The following MARCHF1 variants were observed in gnomAD, a reference collection of about 807,000 sequenced individuals.
MARCHF1 encodes the protein E3 ubiquitin-protein ligase MARCHF1.
MARCHF1 carries 40 observed loss-of-function variants against 54.2 expected under a neutral mutation model. That is an observed-to-expected ratio of 0.74 (90% CI 0.57 to 0.96). MARCHF1 has a LOEUF of 0.96. MARCHF1 is among the 40% of genes least tolerant of loss of function. MARCHF1 has a pLI of 0.00. For missense variants in MARCHF1, 586 were observed against 656.5 expected (o/e 0.89, Z 1.17); for synonymous variants, 236 against 236.3 (o/e 1.00, Z 0.01).
intron 2 of MARCHF1, among the ~76,000 whole-genome samples, chr4:164,053,398 G>C (rs1012437952): frequency 1.3e-5 from 2 of 152,110 alleles, no homozygotes; most frequent in Non-Finnish European, 2.9e-5. Context: ...CTCATTCTAA[G>C]ATGCCATGTT....
intron 1 of MARCHF1, among the ~76,000 whole-genome samples, chr4:164,141,882 G>C (rs571708348): frequency 6.6e-6 from 1 of 152,170 alleles, no homozygotes; most frequent in Non-Finnish European, 1.5e-5. Context: ...CAGAAGACCG[G>C]TGATTTCTGC....
intron 4 of MARCHF1, among the ~76,000 whole-genome samples, chr4:163,817,463 A>AACACAC (rs111793655): frequency 1.1e-4 from 16 of 148,748 alleles, no homozygotes; most frequent in African/African-American, 2.5e-4. Context: ...TTAGGAGAGC[A>AACACAC]ACACACACAC....
intron 4 of MARCHF1, among the ~76,000 whole-genome samples, chr4:163,823,233 G>A (rs1748748520): frequency 6.6e-6 from 1 of 151,632 alleles, no homozygotes; most frequent in African/African-American, 2.4e-5. Context: ...GCTTTTCCAG[G>A]TATCTTGTAT....
At chr4:163,929,888 C>T (rs1751617064) in intron 3 of MARCHF1, among the ~76,000 whole-genome samples, 2 of 137,384 alleles carry the variant, frequency 1.5e-5, no homozygotes, top group South Asian at 2.2e-4. Flanking sequence ...AGAAAGAGGG[C>T]ACTATAAAAA....
chr4:164,343,304 T>C (rs1729980760), intron 1 of MARCHF1, among the ~76,000 whole-genome samples: 1 of 152,006 alleles, frequency 6.6e-6, no homozygotes, highest in Non-Finnish European at 1.5e-5. Context: ...GCTGAGGAAA[T>C]TTTTTTAAAT....
At chr4:163,910,554 G>A (rs1326626297) in intron 3 of MARCHF1, among the ~76,000 whole-genome samples, 1 of 152,114 alleles carries the variant, frequency 6.6e-6, no homozygotes, top group Non-Finnish European at 1.5e-5. Flanking sequence ...AAGTGCAATG[G>A]CGCGATCTTG....
chr4:163,847,904 G>GTT (rs1476159278), intron 4 of MARCHF1, among the ~76,000 whole-genome samples: 60 of 152,072 alleles, frequency 3.9e-4, no homozygotes, highest in Non-Finnish European at 7.1e-4. Context: ...CACTAGTGTT[G>GTT]TGCAAACAAC....
At chr4:163,986,338 C>T (rs1752869177) in intron 3 of MARCHF1, among the ~76,000 whole-genome samples, 2 of 138,188 alleles carry the variant, frequency 1.4e-5, no homozygotes, top group Admixed American at 8.1e-5. Context: ...GATCTCGGCT[C>T]ACTGCAAGCT....
At chr4:164,248,715 T>C (rs1354420174) in intron 1 of MARCHF1, among the ~76,000 whole-genome samples, 3 of 152,034 alleles carry the variant, frequency 2.0e-5, no homozygotes, top group East Asian at 3.9e-4. Context: ...GCACTGACCA[T>C]GTAAAATTAG....
At chr4:163,614,709 A>G (rs1741456911) in intron 5 of MARCHF1, among the ~76,000 whole-genome samples, 1 of 152,130 alleles carries the variant, frequency 6.6e-6, no homozygotes, top group Non-Finnish European at 1.5e-5. Flanking sequence ...TGGATAGTGA[A>G]TATTTTACCT....
intron 1 of MARCHF1, among the ~76,000 whole-genome samples, chr4:164,132,655 C>T (rs1198967697): frequency 6.6e-6 from 1 of 152,096 alleles, no homozygotes; most frequent in Non-Finnish European, 1.5e-5. Flanking sequence ...TCTCCACTGA[C>T]CATCGACATA....
intron 1 of MARCHF1, among the ~76,000 whole-genome samples, chr4:164,212,350 C>T (rs1185496491): frequency 1.3e-5 from 2 of 152,118 alleles, no homozygotes; most frequent in African/African-American, 4.8e-5. Flanking sequence ...TTTATGCAAT[C>T]ATCCAGCCAG....
chr4:163,665,512 T>TTAGTGTTAC (rs774481842), intron 5 of MARCHF1, among the ~76,000 whole-genome samples: 15 of 152,276 alleles, frequency 9.9e-5, no homozygotes, highest in Non-Finnish European at 1.6e-4. Flanking sequence ...ACTAACACTG[T>TTAGTGTTAC]AATTTACTTT....
intron 4 of MARCHF1, among the ~76,000 whole-genome samples, chr4:163,814,664 A>G (rs1398801420): frequency 6.6e-6 from 1 of 152,210 alleles, no homozygotes; most frequent in African/African-American, 2.4e-5. Context: ...AATGCAACAG[A>G]AATTGAGATG....
chr4:163,593,217 G>GT (rs1740649776), intron 7 of MARCHF1, among the ~76,000 whole-genome samples: 1 of 152,088 alleles, frequency 6.6e-6, no homozygotes, highest in South Asian at 2.1e-4. Flanking sequence ...CTCTACATTT[G>GT]CATATGTCAT....
chr4:164,234,486 C>T (rs116369040), intron 1 of MARCHF1, among the ~76,000 whole-genome samples: 3 of 152,166 alleles, frequency 2.0e-5, no homozygotes, highest in African/African-American at 7.2e-5. Flanking sequence ...TTTATTGACA[C>T]TCCTATGATA....
chr4:163,575,323 T>C (rs1179463186), intron 8 of MARCHF1, among the ~76,000 whole-genome samples: 2 of 152,184 alleles, frequency 1.3e-5, no homozygotes, highest in Non-Finnish European at 2.9e-5. Context: ...CATATGGTTT[T>C]TGTTTTTAAC....
chr4:163,720,384 T>A (rs1315934743), intron 4 of MARCHF1, among the ~76,000 whole-genome samples: 1 of 152,232 alleles, frequency 6.6e-6, no homozygotes, highest in African/African-American at 2.4e-5. Flanking sequence ...TCCATTGGTC[T>A]ATATCTCTGT....
chr4:163,586,840 A>C (rs566585496), intron 7 of MARCHF1, among the ~76,000 whole-genome samples: 1 of 152,230 alleles, frequency 6.6e-6, no homozygotes, highest in South Asian at 2.1e-4. Context: ...ATTCTCAAAA[A>C]TTTTAAAGTA....
Sources: allele counts gnomAD v4.1 joint callset (sites outside exome capture counted in the v4.1 genomes callset), GRCh38; gene constraint gnomAD v4.1.1; transcripts MANE v1.5; gene names NCBI Gene and HGNC (gene_info 2026-07-23, HGNC 2026-07-21).